The following XDH variants were observed in gnomAD, a reference collection of about 807,000 sequenced individuals.
The protein encoded by XDH is xanthine dehydrogenase/oxidase.
In XDH, 138 loss-of-function variants were observed where a neutral mutation model predicts 156.1. The observed-to-expected ratio is 0.88, with a 90% CI of 0.77 to 1.02. XDH has a LOEUF of 1.02. Ranked by LOEUF, XDH falls within the 50% of genes least tolerant of loss-of-function variation. XDH has a pLI of 0.00. For missense variants in XDH, 1,849 were observed against 1,684.9 expected, an observed-to-expected ratio of 1.10 and a Z score of -1.71; for synonymous variants, 669 against 625.7, an observed-to-expected ratio of 1.07 and a Z score of -1.03.
chr2:31,366,763 G>T, intron 21 of XDH, 107 bp downstream of exon 21: 1 of 1,573,458 alleles, frequency 6.4e-7, no homozygotes, highest in Non-Finnish European at 8.7e-7. Flanking sequence ...AGTACCCTCT[G>T]GACCAGCCCA....
intron 24 of XDH, 65 bp from the exon 25 acceptor site, chr2:31,350,288 G>T (rs1685432995): frequency 1.3e-6 from 2 of 1,550,062 alleles, no homozygotes; most frequent in Admixed American, 3.4e-5. Flanking sequence ...CTCAAAGTAG[G>T]AACTTTGAGG....
chr2:31,386,145 A>T (rs958988287), intron 9 of XDH, among the ~76,000 whole-genome samples: 1 of 152,170 alleles, frequency 6.6e-6, no homozygotes, highest in Non-Finnish European at 1.5e-5. Flanking sequence ...CCATATAAAA[A>T]ACAGAAAATG....
chr2:31,402,216 T>A (rs1027502896), intron 3 of XDH, among the ~76,000 whole-genome samples: 1 of 152,184 alleles, frequency 6.6e-6, no homozygotes, highest in Admixed American at 6.5e-5. Flanking sequence ...CTTATAACTA[T>A]AGTACTAGGG....
chr2:31,367,848 G>T, intron 20 of XDH, 113 bp downstream of exon 20: 1 of 1,038,810 alleles, frequency 9.6e-7, no homozygotes, highest in Non-Finnish European at 1.5e-6. Context: ...GGAATCTTCT[G>T]TCAGGAAATG....
chr2:31,350,226 GA>G lies in XDH; in HGVS notation c.2632-4del, dbSNP rs780542269. On this transcript the variant is annotated splice_polypyrimidine_tract_variant and splice_region_variant and intron_variant, in intron 24 of 35. Transcript: ENST00000379416. ...TGGAATAAAGCTCGTTCCATAATCT[GA>G]AGCAGAGGAAACAAAAATGGGAGAG... 2.5e-5 allele frequency: 40 copies of G among 1,614,070 alleles called. No homozygotes were observed. The highest frequency in any genetic ancestry group is 3.2e-5 in the Non-Finnish European group (38 of 1,180,050).
At chr2:31,383,571 C>T (rs1479921454) in intron 10 of XDH, among the ~76,000 whole-genome samples, 184 bp downstream of exon 10, 1 of 152,142 alleles carries the variant, frequency 6.6e-6, no homozygotes, top group Non-Finnish European at 1.5e-5. Flanking sequence ...CACTGGCACC[C>T]TACCATGGAT....
chr2:31,347,477 C>T lies in XDH; in HGVS notation c.3276+45G>A, dbSNP rs376139809. ...CCAGGGAGACTCTCCAGGCCCACAG[C>T]TCTGGGCTGGCCCTCTGCTCTGCGG... On this transcript the variant is annotated intron_variant, in intron 29 of 35. Coordinates refer to ENST00000379416, the MANE Select transcript of XDH (RefSeq NM_000379.4). The T allele has an allele frequency of 6.8e-6, 11 of 1,612,198 alleles. No homozygotes were observed. In the African/African-American group the frequency reaches 9.3e-5, roughly 14 times the overall value.
At chr2:31,345,588 C>T (rs1685260908) in intron 30 of XDH, among the ~76,000 whole-genome samples, 1 of 152,180 alleles carries the variant, frequency 6.6e-6, no homozygotes, top group South Asian at 2.1e-4. Flanking sequence ...AAAACCTATA[C>T]TATTATTAGC....
rs146253292 is a variant in XDH at position 31,410,843 on chromosome 2, G to A, written c.42+3782C>T. ...GAGACTAAAGACATGGCAACCAACT[G>A]CAAGGCGTAATCTTGGATTCCGGGC... On this transcript the variant is annotated intron_variant, in intron 1 of 35. Coordinates refer to ENST00000379416, the MANE Select transcript of XDH (RefSeq NM_000379.4). Among the ~76,000 whole-genome samples the A allele has an allele frequency of 4.3e-3, 656 of 152,312 alleles. 4 individuals carry two copies. Among genetic ancestry groups the A allele is most frequent in the African/African-American group, 0.015 (604 of 41,562 alleles).
chr2:31,340,514 G>A (rs1685098435), intron 33 of XDH, among the ~76,000 whole-genome samples: 1 of 152,010 alleles, frequency 6.6e-6, no homozygotes, highest in Admixed American at 6.6e-5. Flanking sequence ...CTATCGCCCA[G>A]GCTGGAGTAC....
At chr2:31,339,379 G>T in intron 34 of XDH, 110 bp downstream of exon 34, 1 of 1,435,750 alleles carries the variant, frequency 7.0e-7, no homozygotes, top group South Asian at 1.2e-5. Context: ...CCCTCCTCAA[G>T]ATATGCCCTT....
At chr2:31,342,362 G>C in intron 31 of XDH, 65 bp from the exon 32 acceptor site, 2 of 1,380,156 alleles carry the variant, frequency 1.4e-6, no homozygotes, top group Non-Finnish European at 2.0e-6. Context: ...CCCTATGCAC[G>C]TACAGCTTGA....
At position 31,349,744 on chromosome 2, in the gene XDH, C is replaced by A; in HGVS notation, c.2911G>T (p.Glu971Ter). Residue 971 changes from glutamate to a stop codon, truncating the protein, a stop_gained, in exon 26 of 36, where the codon GAA becomes TAA. Coordinates refer to ENST00000379416, the MANE Select transcript of XDH (RefSeq NM_000379.4). LOFTEE classifies it high-confidence loss of function. Reference protein sequence around the residue: ...EGFTLPRCWEECLASSQYHAR... With the variant: ...EGFTLPRCWE The stretch of plus-strand genomic sequence containing the variant: ...TGATACTGAGAGCTTGCTAGGCATT[C>A]TTCCCAGCATCTGGGCAAGGTGAAA... 1 of 1,614,218 alleles carries A rather than the reference C, an allele frequency of 6.2e-7. No individual in the cohort carries two copies. The highest frequency in any genetic ancestry group is 8.5e-7 in the Non-Finnish European group (1 of 1,180,044).
At chr2:31,395,473 T>C (rs1464096619) in intron 6 of XDH, among the ~76,000 whole-genome samples, 3 of 152,196 alleles carry the variant, frequency 2.0e-5, no homozygotes, top group Admixed American at 6.5e-5. Flanking sequence ...CAGAATGCTC[T>C]GGCATATTCC....
In XDH at chr2:31,346,839, G is replaced by A. The variant is rs778883301; in HGVS notation, c.3281C>T (p.Ala1094Val). ...CAGCCTTTTCAAGATGGTCTGACAAGCCGCCTAAAGTAAACACCCCCCACA... is the reference window on the plus strand; with the variant it reads ...CAGCCTTTTCAAGATGGTCTGACAAACCGCCTAAAGTAAACACCCCCCACA... ...ADLNGQAVYA[A>V]CQTILKRLEP... The change falls in exon 30 of 36, where the codon GCT becomes GTT. Residue 1094 changes from alanine to valine, a missense_variant. Physicochemically the swap from Ala to Val is moderately conservative, Grantham distance 64. Transcript: ENST00000379416. The A allele has an allele frequency of 1.9e-6, 3 of 1,613,900 alleles. No homozygotes were observed. Among genetic ancestry groups the A allele is most frequent in the Non-Finnish European group, 2.5e-6 (3 of 1,180,018 alleles).
chr2:31,344,674 C>G lies in XDH; in HGVS notation c.3404+10G>C, dbSNP rs773067358. On this transcript the variant is annotated intron_variant, in intron 31 of 35. Transcript: ENST00000379416. ...CACTATGAGCTGGGCAAGGACAACA[C>G]CATACTTACCTATAAAACCCAGTGG... 9 of 1,613,956 alleles carry G rather than the reference C, an allele frequency of 5.6e-6. No homozygotes were observed. The African/African-American group carries it at 1.1e-4, about 19-fold the overall frequency.
At chr2:31,364,663 A>G (rs978160288) in intron 23 of XDH, among the ~76,000 whole-genome samples, 2 of 152,218 alleles carry the variant, frequency 1.3e-5, no homozygotes, top group African/African-American at 2.4e-5. Context: ...TTCATTTCAC[A>G]GGAGCACGCA....
intron 6 of XDH, among the ~76,000 whole-genome samples, chr2:31,396,137 C>A (rs1176273441): frequency 6.6e-6 from 1 of 152,174 alleles, no homozygotes; most frequent in Admixed American, 6.5e-5. Context: ...AGCTTCTGAG[C>A]ACCTTTTGTG....
chr2:31,361,301 T>A (rs1361580638), intron 24 of XDH, among the ~76,000 whole-genome samples: 4 of 152,256 alleles, frequency 2.6e-5, no homozygotes, highest in Admixed American at 2.6e-4. Context: ...CTATCAAATT[T>A]AGTAGCTATT....
Sources: gnomAD v4.1 joint callset for allele counts (sites outside exome capture counted in the v4.1 genomes callset) on GRCh38, gnomAD v4.1.1 for gene constraint, MANE v1.5 for transcripts, NCBI Gene and HGNC (gene_info 2026-07-23, HGNC 2026-07-21) for gene names.